Variants in ANKRD18A observed in about 807,000 individuals in gnomAD.
ANKRD18A encodes the protein ankyrin repeat domain 18A, also known as ankyrin repeat domain-containing protein 18A.
Under a neutral mutation model 110.6 loss-of-function variants are expected in ANKRD18A, and 72 were observed. The ratio of observed to expected loss-of-function variants is 0.65; its 90% confidence interval spans 0.54 to 0.79. The LOEUF (loss-of-function observed/expected upper bound fraction) is 0.79. Among genes scored for constraint, ANKRD18A ranks in the 30% least tolerant of loss-of-function variants. ANKRD18A has a pLI of 0.00. For synonymous variants in ANKRD18A, 305 were observed against 410.3 expected (o/e 0.74, Z 3.10); for missense variants, 934 against 1,163.3 (o/e 0.80, Z 2.87).
intron 9 of ANKRD18A, 37 bp downstream of exon 9, chr9:38,595,449 T>G: frequency 7.1e-7 from 1 of 1,413,056 alleles, no homozygotes; most frequent in Non-Finnish European, 9.3e-7. Flanking sequence ...ATATTTAAAT[T>G]TTCTTTCCAG....
chr9:38,603,230 T>C lies in ANKRD18A; in HGVS notation c.809-18A>G, dbSNP rs1587527954. ...TGCTGTTTCTGTCAAACATGCAAACTTGTTAGATATTCCTTCTGGAAAACA... is the reference window on the plus strand; with the variant it reads ...TGCTGTTTCTGTCAAACATGCAAACCTGTTAGATATTCCTTCTGGAAAACA... On this transcript the variant is annotated intron_variant, in intron 6 of 15. Transcript: ENST00000399703. 1.3e-6 allele frequency: 2 copies of C among 1,550,886 alleles called. No individual in the cohort carries two copies. The highest frequency in any genetic ancestry group is 8.7e-7 in the Non-Finnish European group (1 of 1,146,526).
chr9:38,601,702 A>T (rs903289881), intron 7 of ANKRD18A, among the ~76,000 whole-genome samples: 1 of 152,078 alleles, frequency 6.6e-6, no homozygotes, highest in Non-Finnish European at 1.5e-5. Flanking sequence ...TTTAAGACTC[A>T]GAATGTAGGC....
intron 11 of ANKRD18A, 82 bp downstream of exon 11, chr9:38,588,469 T>G: frequency 1.1e-6 from 1 of 912,178 alleles, no homozygotes; most frequent in East Asian, 3.4e-5. Flanking sequence ...AAAATGGATT[T>G]GTATCAAAGT....
intron 1 of ANKRD18A, 52 bp from the exon 2 acceptor site, chr9:38,616,096 T>C: frequency 7.2e-7 from 1 of 1,390,540 alleles, no homozygotes; most frequent in Non-Finnish European, 9.7e-7. Context: ...TCTCAAAACC[T>C]ACAATGGTCC....
chr9:38,588,366 A>C (rs1824476078), intron 11 of ANKRD18A, among the ~76,000 whole-genome samples, 185 bp downstream of exon 11: 1 of 152,128 alleles, frequency 6.6e-6, no homozygotes, highest in South Asian at 2.1e-4. Flanking sequence ...TCCAAGGGTC[A>C]TGGACTCCTG....
intron 8 of ANKRD18A, among the ~76,000 whole-genome samples, chr9:38,599,846 CA>C (rs1470128061): frequency 3.7e-4 from 56 of 152,244 alleles, no homozygotes; most frequent in African/African-American, 1.3e-3. Context: ...GTTCTTGAGA[CA>C]TTTTTTTGCA....
rs553644592 is a variant in ANKRD18A, at chr9:38,573,902, T to G, written c.2964+1574A>C. On this transcript the variant is annotated intron_variant, in intron 15 of 15. Coordinates refer to ENST00000399703, the MANE Select transcript of ANKRD18A (RefSeq NM_147195.4). ...TGAAAAAAATATGTAAAGTTTTCTTTTTTTTTTCTAGTTTGTATTCTAAAT... is the reference window on the plus strand; with the variant it reads ...TGAAAAAAATATGTAAAGTTTTCTTGTTTTTTTCTAGTTTGTATTCTAAAT... Among the ~76,000 whole-genome samples, 3 of 152,296 alleles carry G rather than the reference T, an allele frequency of 2.0e-5. No individual in the cohort carries two copies. The South Asian group carries it at 6.2e-4, about 32-fold the overall frequency.
intron 5 of ANKRD18A, among the ~76,000 whole-genome samples, chr9:38,608,139 T>C (rs1244913120): frequency 2.0e-5 from 3 of 152,204 alleles, no homozygotes; most frequent in Admixed American, 6.5e-5. Flanking sequence ...ACTAAATTTA[T>C]ATACAAATAT....
At position 38,595,872 on chromosome 9, in the gene ANKRD18A, G is replaced by A. The variant is rs752527220; in HGVS notation, c.1468C>T (p.Leu490Phe). The change falls in exon 9 of 16, where the codon CTC becomes TTC. Residue 490 changes from leucine (L) to phenylalanine (F), a missense_variant. Physicochemically the swap from Leu to Phe is conservative, Grantham distance 22. This residue lies in a region of ANKRD18A where 630 missense variants were observed against 797.5 expected (regional missense o/e 0.79). Transcript: ENST00000399703. The part of the protein sequence containing the change: ...RVKFNTLKGK[L>F]RETRDALREK... ...CTGAGAGCATCTCTTGTCTCACGGA[G>A]CTTACCTTTTAAGGTATTGAACTTC... The A allele has an allele frequency of 2.6e-5, 41 of 1,551,296 alleles. No individual in the cohort carries two copies. In the South Asian group the frequency reaches 4.8e-4, roughly 18 times the overall value.
chr9:38,591,540 G>A (rs1292431134), intron 10 of ANKRD18A, among the ~76,000 whole-genome samples: 3 of 152,126 alleles, frequency 2.0e-5, no homozygotes, highest in African/African-American at 7.3e-5. Flanking sequence ...ACTTAGAAGA[G>A]TACATGTACA....
intron 5 of ANKRD18A, among the ~76,000 whole-genome samples, chr9:38,609,337 C>G (rs1458490280): frequency 6.6e-6 from 1 of 152,052 alleles, no homozygotes; most frequent in Non-Finnish European, 1.5e-5. Context: ...AAAAATTAGC[C>G]AGGGATGGTG....
At chr9:38,576,508 T>A (rs1467333812) in intron 14 of ANKRD18A, among the ~76,000 whole-genome samples, 1 of 152,206 alleles carries the variant, frequency 6.6e-6, no homozygotes, top group Non-Finnish European at 1.5e-5. Context: ...ATTCCCTCTT[T>A]CACAAGGATG....
chr9:38,581,186 A>C (rs3005815), intron 12 of ANKRD18A, among the ~76,000 whole-genome samples: 8,960 of 152,256 alleles, frequency 0.059, 497 homozygotes, highest in African/African-American at 0.15. Flanking sequence ...AACAGGAAAC[A>C]ACTTAGGTAG....
In ANKRD18A at chr9:38,576,408, C is replaced by CTT. The variant is rs537649749; in HGVS notation, c.2741+643_2741+644dup. ...CAAGGCACTGGAGGTGGGGCTTGTT[C>CTT]TTTCTGCCTTCCACACAGCCCTTCA... is the stretch of plus-strand genomic sequence containing the variant. On this transcript the variant is annotated intron_variant, in intron 14 of 15. Coordinates refer to ENST00000399703, the MANE Select transcript of ANKRD18A (RefSeq NM_147195.4). Among the ~76,000 whole-genome samples, 649 of 152,296 alleles carry CTT rather than the reference C, an allele frequency of 4.3e-3. 4 individuals are homozygous for CTT. Among genetic ancestry groups the CTT allele is most frequent in the African/African-American group, 0.015 (610 of 41,558 alleles).
downstream of ANKRD18A, among the ~76,000 whole-genome samples, chr9:38,569,654 C>CGT (rs3044925): frequency 1.3e-5 from 2 of 151,942 alleles, no homozygotes; most frequent in Admixed American, 6.6e-5. Flanking sequence ...TTTGTGTATG[C>CGT]GTGTGTGTGT....
intron 15 of ANKRD18A, chr9:38,573,191 A>G: frequency 1.1e-6 from 1 of 904,126 alleles, no homozygotes; most frequent in Non-Finnish European, 1.5e-6. Flanking sequence ...TTATCATGAG[A>G]TTAATATATT....
intron 6 of ANKRD18A, among the ~76,000 whole-genome samples, 158 bp from the exon 7 acceptor site, chr9:38,603,370 G>C (rs1301842220): frequency 6.6e-6 from 1 of 152,060 alleles, no homozygotes; most frequent in Admixed American, 6.6e-5. Flanking sequence ...AAAGTGAATG[G>C]CATCTAATGA....
chr9:38,569,661 G>A (rs1236440760), downstream of ANKRD18A, among the ~76,000 whole-genome samples: 1 of 152,190 alleles, frequency 6.6e-6, no homozygotes, highest in African/African-American at 2.4e-5. Flanking sequence ...ATGCGTGTGT[G>A]TGTGTACATA....
chr9:38,610,050 G>T (rs1825541190), intron 5 of ANKRD18A, among the ~76,000 whole-genome samples: 1 of 152,090 alleles, frequency 6.6e-6, no homozygotes, highest in Admixed American at 6.5e-5. Flanking sequence ...GAGATTCCTA[G>T]GGATAAAGGT....
Sources: gnomAD v4.1 joint callset for allele counts (sites outside exome capture counted in the v4.1 genomes callset) on GRCh38, gnomAD v4.1.1 for gene constraint, gnomAD v4.1.1 regional missense constraint, MANE v1.5 for transcripts, NCBI Gene and HGNC (gene_info 2026-07-23, HGNC 2026-07-21) for gene names.